PTPRD: variants seen among roughly 807,000 people sequenced by gnomAD.
PTPRD encodes protein tyrosine phosphatase receptor type D.
A neutral mutation model predicts 214.5 loss-of-function variants in PTPRD; 34 were observed. The ratio of observed to expected loss-of-function variants is 0.16; its 90% CI spans 0.12 to 0.21. The LOEUF (loss-of-function observed/expected upper bound fraction) is 0.21. Ranked by LOEUF, PTPRD falls within the 10% of genes least tolerant of loss-of-function variation. The pLI is 1.00. For missense variants in PTPRD, 2,545 were observed against 2,398.7 expected, an observed-to-expected ratio of 1.06 and a Z score of -1.27; for synonymous variants, 1,128 against 845.7, an observed-to-expected ratio of 1.33 and a Z score of -5.79.
At chr9:8,762,812 A>G (rs374961056) in intron 11 of PTPRD, among the ~76,000 whole-genome samples, 1 of 152,212 alleles carries the variant, frequency 6.6e-6, no homozygotes, top group Non-Finnish European at 1.5e-5. Context: ...AGCTATATAG[A>G]TAAGTGAGCC....
chr9:9,957,856 G>A (rs1182366008), intron 4 of PTPRD, among the ~76,000 whole-genome samples: 4 of 150,750 alleles, frequency 2.7e-5, no homozygotes, highest in Admixed American at 6.6e-5. Context: ...CAACAGAATA[G>A]AAGATTAGCA....
chr9:9,005,235 T>C (rs1305060944), intron 11 of PTPRD, among the ~76,000 whole-genome samples: 1 of 152,064 alleles, frequency 6.6e-6, no homozygotes, highest in African/African-American at 2.4e-5. Context: ...TTGCTAGGCA[T>C]TTTGAATGAT....
chr9:10,504,680 G>C (rs973589313), intron 2 of PTPRD, among the ~76,000 whole-genome samples: 3 of 152,106 alleles, frequency 2.0e-5, no homozygotes, highest in African/African-American at 7.2e-5. Flanking sequence ...GCATTTTATA[G>C]AGAAAGAAAC....
intron 12 of PTPRD, among the ~76,000 whole-genome samples, chr9:8,648,660 G>A (rs990076507): frequency 6.6e-6 from 1 of 152,148 alleles, no homozygotes; most frequent in Admixed American, 6.5e-5. Flanking sequence ...CCCTTATACT[G>A]AAACAGATGA....
At chr9:8,439,438 T>A (rs1324983885) in intron 34 of PTPRD, among the ~76,000 whole-genome samples, 1 of 152,244 alleles carries the variant, frequency 6.6e-6, no homozygotes, top group African/African-American at 2.4e-5. Context: ...TCGTACCTTT[T>A]CTTTGAAGGG....
At chr9:8,426,933 T>C (rs894688224) in intron 35 of PTPRD, among the ~76,000 whole-genome samples, 3 of 152,076 alleles carry the variant, frequency 2.0e-5, no homozygotes, top group African/African-American at 7.2e-5. Context: ...AAAAAGACTA[T>C]AAGCGCATAG....
chr9:8,858,076 C>A (rs1050616737), intron 11 of PTPRD: 2 of 163,438 alleles, frequency 1.2e-5, no homozygotes, highest in South Asian at 1.5e-4. Flanking sequence ...CCGCCGCCGC[C>A]GCTGTTTGTC....
intron 12 of PTPRD, among the ~76,000 whole-genome samples, chr9:8,640,325 G>A (rs1460783254): frequency 6.6e-6 from 1 of 151,898 alleles, no homozygotes; most frequent in African/African-American, 2.4e-5. Flanking sequence ...CTACAACCTG[G>A]GTGACAAGAG....
chr9:9,324,807 G>C (rs1968968194), intron 9 of PTPRD, among the ~76,000 whole-genome samples: 1 of 152,100 alleles, frequency 6.6e-6, no homozygotes, highest in African/African-American at 2.4e-5. Context: ...TTTTCCTCTA[G>C]GGTTTTTATG....
chr9:8,999,894 A>G (rs2099411090), intron 11 of PTPRD, among the ~76,000 whole-genome samples: 1 of 152,024 alleles, frequency 6.6e-6, no homozygotes, highest in Admixed American at 6.6e-5. Context: ...AGAAAAATAA[A>G]TCCTCTCAAC....
intron 11 of PTPRD, among the ~76,000 whole-genome samples, chr9:8,862,914 G>A (rs986324035): frequency 2.0e-5 from 3 of 152,076 alleles, no homozygotes; most frequent in East Asian, 3.9e-4. Flanking sequence ...CTCTGGGGAC[G>A]GTTGTGGGGT....
chr9:9,854,713 C>T (rs2061218129), intron 5 of PTPRD, among the ~76,000 whole-genome samples: 1 of 150,558 alleles, frequency 6.6e-6, no homozygotes, highest in Non-Finnish European at 1.5e-5. Context: ...TTTTTAAATC[C>T]CTTTCAACTT....
chr9:9,595,957 T>TA (rs966267659), intron 7 of PTPRD, among the ~76,000 whole-genome samples: 13 of 150,180 alleles, frequency 8.7e-5, no homozygotes, highest in Non-Finnish European at 1.8e-4. Context: ...AAAAAAAAAA[T>TA]AAAAAATAAA....
chr9:9,243,247 T>C (rs998264503), intron 9 of PTPRD, among the ~76,000 whole-genome samples: 1 of 152,066 alleles, frequency 6.6e-6, no homozygotes, highest in Non-Finnish European at 1.5e-5. Flanking sequence ...TCTGAAACTA[T>C]TACAATCAAT....
intron 12 of PTPRD, among the ~76,000 whole-genome samples, chr9:8,709,338 C>T (rs1055922774): frequency 6.6e-6 from 1 of 151,668 alleles, no homozygotes; most frequent in African/African-American, 2.4e-5. Flanking sequence ...CACAGTGAAA[C>T]CCTGTCTCTA....
chr9:8,735,977 C>T (rs1040675064), intron 11 of PTPRD, among the ~76,000 whole-genome samples: 1 of 150,782 alleles, frequency 6.6e-6, no homozygotes, highest in East Asian at 1.9e-4. Flanking sequence ...CCTTGGATGG[C>T]GATCTAAGTC....
intron 14 of PTPRD, among the ~76,000 whole-genome samples, chr9:8,619,431 G>C (rs2095738193): frequency 6.7e-6 from 1 of 150,200 alleles, no homozygotes; most frequent in Admixed American, 6.7e-5. Context: ...CCACAAATCA[G>C]TGAGATCCCA....
intron 9 of PTPRD, among the ~76,000 whole-genome samples, chr9:9,217,525 G>C (rs999442240): frequency 6.6e-6 from 1 of 152,040 alleles, no homozygotes; most frequent in Non-Finnish European, 1.5e-5. Flanking sequence ...CCTCTCATCT[G>C]GGAGTATATT....
chr9:8,484,562 G>T (rs1307790665), intron 29 of PTPRD, among the ~76,000 whole-genome samples, 184 bp from the exon 30 acceptor site: 3 of 129,692 alleles, frequency 2.3e-5, no homozygotes, highest in African/African-American at 6.4e-5. Context: ...ATTTCCTACT[G>T]TGTAATGATA....
Sources: gnomAD v4.1 joint callset for allele counts (sites outside exome capture counted in the v4.1 genomes callset) on GRCh38, gnomAD v4.1.1 for gene constraint, MANE v1.5 for transcripts, NCBI Gene and HGNC (gene_info 2026-07-23, HGNC 2026-07-21) for gene names.